The following ALMS1 variants were observed in gnomAD, a reference collection of about 807,000 sequenced individuals.
ALMS1 encodes centrosome-associated protein ALMS1.
A neutral mutation model predicts 352.2 loss-of-function variants in ALMS1; 271 were observed. The ratio of observed to expected loss-of-function variants is 0.77; its 90% CI spans 0.70 to 0.85. The LOEUF (loss-of-function observed/expected upper bound fraction) is 0.85, where lower values mean the gene tolerates loss of function less well. ALMS1 is among the 40% of genes least tolerant of loss of function. The pLI is 0.00. For missense variants in ALMS1, 5,445 were observed against 4,870.7 expected, an observed-to-expected ratio of 1.12 and a Z score of -3.51; for synonymous variants, 1,865 against 1,761.2, an observed-to-expected ratio of 1.06 and a Z score of -1.48.
chr2:73,482,088 G>T (rs1672719840), intron 9 of ALMS1, among the ~76,000 whole-genome samples: 1 of 152,032 alleles, frequency 6.6e-6, no homozygotes. Flanking sequence ...CTGCCTAATT[G>T]CCCTGGCCAG....
At chr2:73,423,554 A>G (rs1164974867) in intron 4 of ALMS1, among the ~76,000 whole-genome samples, 1 of 152,242 alleles carries the variant, frequency 6.6e-6, no homozygotes, top group Non-Finnish European at 1.5e-5. Context: ...TTATTCAAGA[A>G]TATGTTTTCT....
intron 22 of ALMS1, 119 bp downstream of exon 22, chr2:73,608,693 T>A: frequency 2.5e-6 from 2 of 811,288 alleles, no homozygotes; most frequent in Middle Eastern, 5.4e-4. Context: ...AGGAATGAAC[T>A]TAGAATGCAC....
intron 16 of ALMS1, among the ~76,000 whole-genome samples, chr2:73,580,954 A>C (rs1048884746): frequency 6.6e-6 from 1 of 152,196 alleles, no homozygotes; most frequent in African/African-American, 2.4e-5. Context: ...CACTCCTTCA[A>C]TGCTTAGCCA....
In ALMS1 at chr2:73,396,223, T is replaced by C. The variant is rs189100218; in HGVS notation, c.324+10031T>C. 6.9e-4 allele frequency among the ~76,000 whole-genome samples: 105 copies of C among 152,196 alleles called. 1 individual carries two copies. Among genetic ancestry groups the C allele is most frequent in the African/African-American group, 2.4e-3 (99 of 41,532 alleles). On this transcript the variant is annotated intron_variant, in intron 1 of 22. Transcript: ENST00000613296. ...ATCGATGTATTACATTAATTGATAT[T>C]AGGTTATTAAACCAGCCTTGTGAAA...
chr2:73,460,222 A>C (rs1263286468), intron 9 of ALMS1, among the ~76,000 whole-genome samples: 1 of 152,122 alleles, frequency 6.6e-6, no homozygotes, highest in East Asian at 1.9e-4. Context: ...TCAACCCACA[A>C]GTTTTATATG....
intron 1 of ALMS1, among the ~76,000 whole-genome samples, chr2:73,393,800 C>T (rs1670701024): frequency 6.6e-6 from 1 of 151,894 alleles, no homozygotes. Context: ...TATATGCCCA[C>T]CTTATTCCAG....
intron 1 of ALMS1, among the ~76,000 whole-genome samples, chr2:73,402,930 A>C (rs1670901037): frequency 6.6e-6 from 1 of 152,152 alleles, no homozygotes; most frequent in Non-Finnish European, 1.5e-5. Context: ...ATATTGTGGA[A>C]ACTGACTCCT....
chr2:73,551,188 T>C (rs373164926), intron 13 of ALMS1, among the ~76,000 whole-genome samples: 90 of 152,212 alleles, frequency 5.9e-4, no homozygotes, highest in African/African-American at 2.0e-3. Flanking sequence ...TTTAAAATTT[T>C]CCACCAACAT....
chr2:73,557,082 C>T (rs965548963), intron 13 of ALMS1, 138 bp from the exon 14 acceptor site: 25 of 1,125,202 alleles, frequency 2.2e-5, no homozygotes, highest in African/African-American at 2.2e-4. Context: ...AGTTTTTACA[C>T]AGGTGGAGCC....
chr2:73,551,736 C>T (rs971286875), intron 13 of ALMS1, among the ~76,000 whole-genome samples: 2 of 151,794 alleles, frequency 1.3e-5, no homozygotes, highest in African/African-American at 2.4e-5. Flanking sequence ...GTGTCTGGCC[C>T]CCACTGTTTT....
chr2:73,551,955 G>A (rs191102987), intron 13 of ALMS1, among the ~76,000 whole-genome samples: 13 of 152,232 alleles, frequency 8.5e-5, no homozygotes, highest in African/African-American at 3.1e-4. Flanking sequence ...ATGTAGGGTG[G>A]CTCTATGTTC....
intron 7 of ALMS1, among the ~76,000 whole-genome samples, chr2:73,441,100 C>T (rs780505995): frequency 2.0e-5 from 3 of 152,148 alleles, no homozygotes; most frequent in Non-Finnish European, 4.4e-5. Context: ...TGGGCCTGCC[C>T]CTGGACCAAC....
chr2:73,564,542 A>G (rs1163009837), intron 15 of ALMS1, among the ~76,000 whole-genome samples: 2 of 152,048 alleles, frequency 1.3e-5, no homozygotes, highest in Admixed American at 6.6e-5. Flanking sequence ...GCAATCAACC[A>G]TCACCATAAT....
chr2:73,523,105 A>G (rs760400675), intron 11 of ALMS1, among the ~76,000 whole-genome samples: 1 of 152,196 alleles, frequency 6.6e-6, no homozygotes, highest in Non-Finnish European at 1.5e-5. Context: ...TCCCAAATGC[A>G]TGCATTCTAT....
intron 9 of ALMS1, among the ~76,000 whole-genome samples, chr2:73,462,435 C>G (rs1249392893): frequency 6.6e-6 from 1 of 152,108 alleles, no homozygotes; most frequent in African/African-American, 2.4e-5. Flanking sequence ...CAGGCCTGCC[C>G]TAAAAGAGCT....
chr2:73,442,480 T>G (rs1417935640), intron 7 of ALMS1, among the ~76,000 whole-genome samples: 1 of 152,144 alleles, frequency 6.6e-6, no homozygotes, highest in Non-Finnish European at 1.5e-5. Context: ...TTTAAATGCC[T>G]TTATAACCTT....
At position 73,519,943 on chromosome 2, in the gene ALMS1, G is replaced by A. The variant is rs574095166; in HGVS notation, c.9708G>A (p.Lys3236=). The change falls in exon 11 of 23, where the codon AAG becomes AAA. Residue 3236 remains lysine (K), a synonymous_variant. Coordinates refer to ENST00000613296, the MANE Select transcript of ALMS1 (RefSeq NM_001378454.1). ...AAATTATAGAGCCTGGTAACCAGAA[G>A]CTACGCAAAGCTCCTGTCAAGTTTG... ...GHEIIEPGNQ[K]LRKAPVKFAS... 6.8e-6 allele frequency: 11 copies of A among 1,614,078 alleles called. No individual in the cohort carries two copies. The highest frequency in any genetic ancestry group is 6.7e-5 in the African/African-American group (5 of 75,042).
At chr2:73,604,530 T>A (rs1158663225) in intron 21 of ALMS1, among the ~76,000 whole-genome samples, 1 of 152,254 alleles carries the variant, frequency 6.6e-6, no homozygotes, top group East Asian at 1.9e-4. Flanking sequence ...GAATAGTTTC[T>A]TAGTTGGCAT....
Position 73,491,401 on chromosome 2 carries a change from C to A in ALMS1, c.9442C>A (p.Gln3148Lys), listed in dbSNP as rs917667192. The A allele has an allele frequency of 6.2e-7, 1 of 1,614,024 alleles. No homozygotes were observed. The highest frequency in any genetic ancestry group is 1.3e-5 in the African/African-American group (1 of 74,930). ...ITQDLKTIPS[Q>K]NSQIVTSRQI... ...TCAGGACTTGAAAACCATACCTTCTCAGAATAGCCAGATAGTAACCTCCAG... is the reference window on the plus strand; with the variant it reads ...TCAGGACTTGAAAACCATACCTTCTAAGAATAGCCAGATAGTAACCTCCAG... The change falls in exon 10 of 23, where the codon CAG becomes AAG. Residue 3148 changes from glutamine to lysine, a missense_variant. Gln to Lys is a moderately conservative substitution (Grantham distance 53, BLOSUM62 1). Transcript: ENST00000613296.
Sources: allele counts gnomAD v4.1 joint callset (sites outside exome capture counted in the v4.1 genomes callset), GRCh38; gene constraint gnomAD v4.1.1; transcripts MANE v1.5; gene names NCBI Gene and HGNC (gene_info 2026-07-23, HGNC 2026-07-21).